Variants in LRRC37A2 observed in about 807,000 individuals in gnomAD.
LRRC37A2 encodes leucine rich repeat containing 37 member A2, also known as leucine-rich repeat-containing protein 37A2.
In LRRC37A2, 9 loss-of-function variants were observed where a neutral mutation model predicts 68.8. That is an observed-to-expected ratio of 0.13 (90% CI 0.08 to 0.23). The LOEUF (loss-of-function observed/expected upper bound fraction) is 0.23. LRRC37A2 is among the 10% of genes least tolerant of loss of function. The pLI is 1.00. For missense variants in LRRC37A2, 168 were observed against 950.4 expected (o/e 0.18, Z 10.82); for synonymous variants, 63 against 367.6 (o/e 0.17, Z 9.48).
chr17:46,781,201 G>C, the LRRC37A2 span, among the ~76,000 whole-genome samples: 1 of 148,542 alleles, frequency 6.7e-6, no homozygotes. Flanking sequence ...ACTCCAGCTT[G>C]GGCGACAGAG....
chr17:46,943,614 G>C, the LRRC37A2 span, among the ~76,000 whole-genome samples: 190 of 152,342 alleles, frequency 1.2e-3, no homozygotes, highest in African/African-American at 4.0e-3. Flanking sequence ...CGGGCACGTA[G>C]TAGGCGCAGG....
chr17:46,532,170 A>AT (rs1369186989), intron 6 of LRRC37A2, among the ~76,000 whole-genome samples: 2 of 149,372 alleles, frequency 1.3e-5, no homozygotes, highest in Non-Finnish European at 2.9e-5. Flanking sequence ...AAATGCTGGG[A>AT]TTACAGGCAT....
the LRRC37A2 span, among the ~76,000 whole-genome samples, chr17:46,852,772 G>A: frequency 6.6e-6 from 1 of 152,080 alleles, no homozygotes; most frequent in African/African-American, 2.4e-5. Context: ...ATACAGCAAA[G>A]GCAAGAAAAC....
the LRRC37A2 span, among the ~76,000 whole-genome samples, chr17:46,495,676 C>T: frequency 6.6e-5 from 10 of 150,526 alleles, 2 homozygotes; most frequent in African/African-American, 2.3e-4. Context: ...TGAGCCACTG[C>T]GCCCAGCCCC....
chr17:46,539,216 A>AC, intron 6 of LRRC37A2, among the ~76,000 whole-genome samples: 1 of 77,120 alleles, frequency 1.3e-5, no homozygotes, highest in African/African-American at 3.9e-5. Flanking sequence ...ATCTCAGAAA[A>AC]AAAAAAAAAA....
At chr17:46,807,710 G>A in the LRRC37A2 span, among the ~76,000 whole-genome samples, 3 of 152,192 alleles carry the variant, frequency 2.0e-5, no homozygotes, top group Non-Finnish European at 4.4e-5. Flanking sequence ...CAGGTACAAA[G>A]ACTCCAACAT....
chr17:46,579,777 T>C, the LRRC37A2 span: 2 of 79,366 alleles, frequency 2.5e-5, no homozygotes, highest in African/African-American at 6.4e-5. Context: ...AGTGACGACA[T>C]ATCTGGCCAA....
chr17:46,960,767 T>G, the LRRC37A2 span, among the ~76,000 whole-genome samples: 37 of 152,208 alleles, frequency 2.4e-4, no homozygotes, highest in African/African-American at 8.7e-4. Context: ...GGCAGCTTAT[T>G]GGGTGATTCC....
chr17:46,976,504 G>A, the LRRC37A2 span, among the ~76,000 whole-genome samples: 2 of 151,924 alleles, frequency 1.3e-5, no homozygotes, highest in African/African-American at 2.4e-5. Context: ...CCAAGATTGC[G>A]CCACTGCACT....
At chr17:46,421,090 T>C in the LRRC37A2 span, among the ~76,000 whole-genome samples, 3 of 77,322 alleles carry the variant, frequency 3.9e-5, no homozygotes, top group East Asian at 7.0e-4. Flanking sequence ...TGAGCCACCA[T>C]GCCCAACCAT....
At chr17:46,752,208 C>T in the LRRC37A2 span, among the ~76,000 whole-genome samples, 2 of 152,200 alleles carry the variant, frequency 1.3e-5, no homozygotes, top group Admixed American at 1.3e-4. Context: ...AGGGTGCTGC[C>T]TGGGCAAAGA....
the LRRC37A2 span, among the ~76,000 whole-genome samples, chr17:46,986,053 T>A: frequency 7.2e-5 from 11 of 152,158 alleles, no homozygotes; most frequent in Non-Finnish European, 1.5e-4. Context: ...GAGTAGACAT[T>A]GACCTAAACA....
At chr17:46,940,074 C>T in the LRRC37A2 span, 4 of 1,095,414 alleles carry the variant, frequency 3.7e-6, no homozygotes, top group Non-Finnish European at 4.5e-6. Flanking sequence ...GTTGCTTGAA[C>T]TGTCTTCTGT....
chr17:46,501,321 A>G, the LRRC37A2 span, among the ~76,000 whole-genome samples: 1 of 151,050 alleles, frequency 6.6e-6, no homozygotes, highest in Non-Finnish European at 1.5e-5. Flanking sequence ...GACCACAGGC[A>G]TGCACCACCA....
the LRRC37A2 span, among the ~76,000 whole-genome samples, chr17:46,858,014 C>T: frequency 2.0e-5 from 3 of 152,252 alleles, no homozygotes; most frequent in African/African-American, 4.8e-5. Context: ...ACTGCAACCT[C>T]CACCTCCTGG....
the LRRC37A2 span, among the ~76,000 whole-genome samples, chr17:47,045,178 T>C: frequency 1.5e-5 from 2 of 134,664 alleles, no homozygotes; most frequent in African/African-American, 5.3e-5. Flanking sequence ...GAAAGATGTG[T>C]CAGGCCAACT....
At chr17:46,721,530 A>T in the LRRC37A2 span, 1 of 1,137,590 alleles carries the variant, frequency 8.8e-7, no homozygotes, top group Non-Finnish European at 1.3e-6. Flanking sequence ...CTGACTATAC[A>T]TTCTTTTTCT....
At chr17:46,952,824 T>C in the LRRC37A2 span, 76 of 152,278 alleles carry the variant, frequency 5.0e-4, no homozygotes, top group African/African-American at 1.8e-3. Flanking sequence ...ATCCTTTTCC[T>C]ACTTAAGCTG....
At chr17:46,809,515 C>G in the LRRC37A2 span, among the ~76,000 whole-genome samples, 1 of 152,186 alleles carries the variant, frequency 6.6e-6, no homozygotes, top group Non-Finnish European at 1.5e-5. Flanking sequence ...TTTTTCCAGC[C>G]GAGCTGGAGG....
Sources: gnomAD v4.1 joint callset for allele counts (sites outside exome capture counted in the v4.1 genomes callset) on GRCh38, gnomAD v4.1.1 for gene constraint, MANE v1.5 for transcripts, NCBI Gene and HGNC (gene_info 2026-07-23, HGNC 2026-07-21) for gene names.